The following SRGAP2 variants were observed in gnomAD, a reference collection of about 807,000 sequenced individuals.
The protein encoded by SRGAP2 is SLIT-ROBO Rho GTPase-activating protein 2.
SRGAP2 carries 15 observed loss-of-function variants against 57.2 expected under a neutral mutation model. The observed-to-expected ratio is 0.26, with a 90% CI of 0.18 to 0.40. SRGAP2 has a LOEUF of 0.40. SRGAP2 is among the 10% of genes least tolerant of loss of function. SRGAP2 has a pLI of 1.00. For missense variants in SRGAP2, 520 were observed against 669.6 expected, an observed-to-expected ratio of 0.78 and a Z score of 2.47; for synonymous variants, 249 against 248.0, an observed-to-expected ratio of 1.00 and a Z score of -0.04.
intron 2 of SRGAP2, among the ~76,000 whole-genome samples, chr1:206,271,857 C>CT (rs1413609370): frequency 3.8e-4 from 1 of 2,654 alleles, no homozygotes; most frequent in East Asian, 9.6e-3. Context: ...TGCATTTTAG[C>CT]TTTTTTCCTA....
chr1:206,301,326 C>T (rs1671861227), intron 2 of SRGAP2, among the ~76,000 whole-genome samples: 1 of 152,014 alleles, frequency 6.6e-6, no homozygotes, highest in Non-Finnish European at 1.5e-5. Flanking sequence ...TGAGCCACCG[C>T]GCCTGGCACT....
At chr1:206,350,655 C>CT (rs1228147994) in intron 4 of SRGAP2, among the ~76,000 whole-genome samples, 2 of 142,494 alleles carry the variant, frequency 1.4e-5, no homozygotes, top group Non-Finnish European at 3.0e-5. Flanking sequence ...AAGATCCTGT[C>CT]TATCTGTATG....
intron 4 of SRGAP2, among the ~76,000 whole-genome samples, chr1:206,360,801 T>A (rs1238439699): frequency 2.8e-4 from 41 of 147,348 alleles, no homozygotes; most frequent in African/African-American, 8.8e-4. Flanking sequence ...CAATGAGAAG[T>A]AACTTGCCTT....
intron 2 of SRGAP2, among the ~76,000 whole-genome samples, chr1:206,221,131 A>G (rs782307202): frequency 0.03 from 4,468 of 148,218 alleles, 87 homozygotes; most frequent in Middle Eastern, 0.059. Context: ...TAGTAGAGAC[A>G]GGGTTTCACC....
intron 22 of SRGAP2, among the ~76,000 whole-genome samples, chr1:206,459,458 G>A (rs1664090998): frequency 6.6e-6 from 1 of 152,196 alleles, no homozygotes; most frequent in South Asian, 2.1e-4. Flanking sequence ...GCTGCAGAGA[G>A]CTCTGGTAAC....
At chr1:206,449,304 T>TTTTTTTTG (rs1558445982) in intron 18 of SRGAP2, among the ~76,000 whole-genome samples, 13 of 150,308 alleles carry the variant, frequency 8.6e-5, no homozygotes, top group Non-Finnish European at 1.2e-4. Context: ...TTTTTTTTTT[T>TTTTTTTTG]TTTTTTAGAC....
chr1:206,273,763 A>G (rs1185745445), intron 2 of SRGAP2, among the ~76,000 whole-genome samples: 3,591 of 125,954 alleles, frequency 0.029, 100 homozygotes, highest in African/African-American at 0.093. Context: ...CTTCATTTTC[A>G]TAAAAATCCG....
chr1:206,459,109 A>G (rs1553379658), intron 22 of SRGAP2, among the ~76,000 whole-genome samples, 162 bp downstream of exon 22: 2 of 152,224 alleles, frequency 1.3e-5, no homozygotes, highest in Admixed American at 6.5e-5. Context: ...AAGACAGCTT[A>G]ATAAGTGGTC....
At chr1:206,434,758 T>G (rs1375367712) in intron 14 of SRGAP2, among the ~76,000 whole-genome samples, 3 of 152,220 alleles carry the variant, frequency 2.0e-5, no homozygotes, top group Admixed American at 1.3e-4. Context: ...CTGCCTGATT[T>G]CCAATGAGCT....
intron 4 of SRGAP2, among the ~76,000 whole-genome samples, chr1:206,359,796 C>CCCTTTTTTTT (rs1558345475): frequency 5.8e-5 from 6 of 103,660 alleles, no homozygotes; most frequent in African/African-American, 2.9e-4. Flanking sequence ...AGGGATATTG[C>CCCTTTTTTTT]TCTTTTTTTT....
Position 206,373,099 on chromosome 1 carries a change from CTTTTTTTTT to C in SRGAP2, c.424-10905_424-10897del, listed in dbSNP as rs1192726235. On this transcript the variant is annotated intron_variant, in intron 4 of 22. Transcript: ENST00000573034. The stretch of plus-strand genomic sequence containing the variant: ...TTCTTTCTTTCTGTCCTTTTTTTTT[CTTTTTTTTT>C]TTTTTTTTTCTGAGTCTTGCTCTGT... 1.8e-4 allele frequency among the ~76,000 whole-genome samples: 12 copies of C among 66,436 alleles called. No homozygotes were observed. The South Asian group carries it at 5.8e-3, about 32-fold the overall frequency. The allele number at this position is 66,436 out of a possible 152,430, so 43.6% of individuals were successfully genotyped here. A position where few individuals can be genotyped will look rare whatever the true frequency, so the allele number is the denominator to read the frequency against.
intron 2 of SRGAP2, among the ~76,000 whole-genome samples, chr1:206,264,071 A>T (rs1669735516): frequency 6.6e-6 from 1 of 151,842 alleles, no homozygotes; most frequent in Admixed American, 6.6e-5. Context: ...AAAATAAATG[A>T]CAACCGAGAA....
At chr1:206,224,850 CTGAG>C (rs1428637166) in intron 2 of SRGAP2, among the ~76,000 whole-genome samples, 1 of 80,110 alleles carries the variant, frequency 1.2e-5, no homozygotes, top group African/African-American at 4.5e-5. Flanking sequence ...TAAATGTGTG[CTGAG>C]TGAGGGAGTA....
At chr1:206,318,691 G>A (rs61816785) in intron 3 of SRGAP2, among the ~76,000 whole-genome samples, 4 of 151,002 alleles carry the variant, frequency 2.6e-5, no homozygotes, top group East Asian at 1.9e-4. Context: ...ATGGCAGAAG[G>A]CACCGGGGAG....
At chr1:206,427,072 G>GT (rs148675681) in intron 13 of SRGAP2, among the ~76,000 whole-genome samples, 5,102 of 147,986 alleles carry the variant, frequency 0.034, 288 homozygotes, top group African/African-American at 0.12. Context: ...TGCCCCAATG[G>GT]TTTTTTTTTT....
chr1:206,209,734 C>T (rs1391957887), intron 2 of SRGAP2, among the ~76,000 whole-genome samples: 2 of 151,630 alleles, frequency 1.3e-5, no homozygotes, highest in African/African-American at 2.4e-5. Context: ...CCCCCACTTC[C>T]CCCAGGATAC....
intron 21 of SRGAP2, chr1:206,458,246 A>T: frequency 4.6e-6 from 2 of 433,046 alleles, no homozygotes; most frequent in South Asian, 3.7e-5. Context: ...CTCTTTGGTG[A>T]TGGTGAGACT....
At chr1:206,340,899 T>A (rs2102912446) in intron 3 of SRGAP2, among the ~76,000 whole-genome samples, 1 of 151,294 alleles carries the variant, frequency 6.6e-6, no homozygotes, top group African/African-American at 2.4e-5. Context: ...TAGAAATCTT[T>A]CAGTTTCCCT....
At chr1:206,455,679 T>A (rs1320360755) in intron 21 of SRGAP2, 2 of 153,406 alleles carry the variant, frequency 1.3e-5, no homozygotes, top group Non-Finnish European at 2.9e-5. Context: ...TTCCATTTTG[T>A]TCCTATTGCT....
Sources: gnomAD v4.1 joint callset for allele counts (sites outside exome capture counted in the v4.1 genomes callset) on GRCh38, gnomAD v4.1.1 for gene constraint, MANE v1.5 for transcripts, NCBI Gene and HGNC (gene_info 2026-07-23, HGNC 2026-07-21) for gene names.